The following MYO1D variants were observed in gnomAD, a reference collection of about 807,000 sequenced individuals.
MYO1D encodes the protein myosin ID, also known as unconventional myosin-Id.
Under a neutral mutation model 122.0 loss-of-function variants are expected in MYO1D, and 83 were observed. The ratio of observed to expected loss-of-function variants is 0.68; its 90% confidence interval spans 0.57 to 0.82. MYO1D has a LOEUF of 0.82. MYO1D is among the 40% of genes least tolerant of loss of function. The pLI, the probability that MYO1D is intolerant of heterozygous loss-of-function variation, is 0.00. For synonymous variants in MYO1D, 464 were observed against 446.9 expected (o/e 1.04, Z -0.48); for missense variants, 1,157 against 1,269.5 (o/e 0.91, Z 1.35).
intron 2 of MYO1D, 71 bp from the exon 3 acceptor site, chr17:32,778,644 A>G (rs1368871742): frequency 7.4e-7 from 1 of 1,344,518 alleles, no homozygotes; most frequent in Non-Finnish European, 1.0e-6. Context: ...TTAATAGAAT[A>G]ATTTAAAAAT....
At chr17:32,627,921 T>C (rs1305746844) in intron 20 of MYO1D, 1 of 152,204 alleles carries the variant, frequency 6.6e-6, no homozygotes, top group Non-Finnish European at 1.5e-5. Flanking sequence ...GGAGGACTAA[T>C]GTCCACATGA....
intron 21 of MYO1D, among the ~76,000 whole-genome samples, chr17:32,583,851 C>T (rs946722688): frequency 2.0e-5 from 3 of 151,846 alleles, no homozygotes; most frequent in African/African-American, 4.8e-5. Context: ...GTGATCTGCC[C>T]GCCCCAACCT....
rs143540371 is a variant in MYO1D, at chr17:32,829,613, G to A, written c.95+47165C>T. Among the ~76,000 whole-genome samples, 62 of 152,208 alleles carry A rather than the reference G, an allele frequency of 4.1e-4. 2 individuals carry two copies. The highest frequency in any genetic ancestry group is 1.4e-3 in the African/African-American group (59 of 41,548). On this transcript the variant is annotated intron_variant, in intron 1 of 21. Coordinates refer to ENST00000318217, the MANE Select transcript of MYO1D (RefSeq NM_015194.3). ...GGACTACAGAAGTGTGCCACCAAGC[G>A]CAGCTAATTTTTTTATATTTCAGTA... is the stretch of plus-strand genomic sequence containing the variant.
intron 14 of MYO1D, among the ~76,000 whole-genome samples, chr17:32,729,697 C>CTAG (rs2089614936): frequency 6.6e-6 from 1 of 152,134 alleles, no homozygotes; most frequent in Admixed American, 6.6e-5. Context: ...AAAAGACAGT[C>CTAG]ATAAGGCTGA....
chr17:32,623,661 ACT>A (rs1311671485), intron 20 of MYO1D, among the ~76,000 whole-genome samples: 1 of 152,094 alleles, frequency 6.6e-6, no homozygotes, highest in Non-Finnish European at 1.5e-5. Context: ...GAAAACACAC[ACT>A]CTCTCCAACT....
chr17:32,724,808 C>G lies in MYO1D; in HGVS notation c.1747-3619G>C, dbSNP rs560909683. Among the ~76,000 whole-genome samples, 86 of 152,252 alleles carry G rather than the reference C, an allele frequency of 5.6e-4. 1 individual carries two copies. Among genetic ancestry groups the G allele is most frequent in the African/African-American group, 2.0e-3 (82 of 41,528 alleles). ...ACCTAAGTCCTTGAAATTGGAATAGCTGATTTGGAATACTATTGTTCTTAG... is the reference window on the plus strand; with the variant it reads ...ACCTAAGTCCTTGAAATTGGAATAGGTGATTTGGAATACTATTGTTCTTAG... On this transcript the variant is annotated intron_variant, in intron 14 of 21. Coordinates refer to ENST00000318217, the MANE Select transcript of MYO1D (RefSeq NM_015194.3).
At position 32,760,600 on chromosome 17, in the gene MYO1D, T is replaced by C; in HGVS notation, c.1063A>G (p.Ile355Val). The C allele has an allele frequency of 6.2e-7, 1 of 1,609,774 alleles. No homozygotes were observed. Among genetic ancestry groups the C allele is most frequent in the Non-Finnish European group, 8.5e-7 (1 of 1,178,626 alleles). Reference protein sequence around the residue: ...KAIYERLFCWIVTRINDIIEV... With the variant: ...KAIYERLFCWVVTRINDIIEV... ...ATAATATCATTGATGCGAGTAACGA[T>C]CCAACAAAAAAGGCGCTCATATATT... The change falls in exon 9 of 22, where the codon ATC becomes GTC. Residue 355 changes from isoleucine (I) to valine (V), a missense_variant. Physicochemically the swap from Ile to Val is conservative, Grantham distance 29. Transcript: ENST00000318217.
At chr17:32,506,424 C>T (rs1218718863) in intron 21 of MYO1D, among the ~76,000 whole-genome samples, 2 of 152,036 alleles carry the variant, frequency 1.3e-5, no homozygotes, top group Non-Finnish European at 2.9e-5. Flanking sequence ...AGGCTCCCTT[C>T]AGGCAAGCAC....
intron 1 of MYO1D, among the ~76,000 whole-genome samples, chr17:32,860,354 T>C (rs1458401316): frequency 6.6e-6 from 1 of 152,136 alleles, no homozygotes; most frequent in Non-Finnish European, 1.5e-5. Context: ...TTCTGACTGA[T>C]ATAGAGTGAA....
chr17:32,578,199 T>C (rs189694353), intron 21 of MYO1D, among the ~76,000 whole-genome samples: 19 of 152,362 alleles, frequency 1.2e-4, no homozygotes, highest in African/African-American at 4.3e-4. Context: ...AATATTTCCC[T>C]TTGTTAATGG....
At chr17:32,578,185 TA>T (rs927296279) in intron 21 of MYO1D, among the ~76,000 whole-genome samples, 1 of 152,242 alleles carries the variant, frequency 6.6e-6, no homozygotes, top group Non-Finnish European at 1.5e-5. Context: ...AGTTATGTGG[TA>T]AAAATATTTC....
At chr17:32,508,094 A>G (rs1909561215) in intron 21 of MYO1D, among the ~76,000 whole-genome samples, 1 of 151,906 alleles carries the variant, frequency 6.6e-6, no homozygotes, top group Admixed American at 6.6e-5. Flanking sequence ...ACGGGGTGTC[A>G]TCATGTTGGC....
At chr17:32,641,717 C>A (rs1329185524) in intron 19 of MYO1D, among the ~76,000 whole-genome samples, 1 of 152,200 alleles carries the variant, frequency 6.6e-6, no homozygotes, top group Non-Finnish European at 1.5e-5. Context: ...TGTGTGTTGG[C>A]TGCATAAATG....
At chr17:32,702,445 A>G (rs556522015) in intron 16 of MYO1D, among the ~76,000 whole-genome samples, 6 of 152,248 alleles carry the variant, frequency 3.9e-5, no homozygotes, top group East Asian at 1.9e-4. Flanking sequence ...ATTTTAGCCT[A>G]TATCTTGAAT....
chr17:32,705,329 A>G (rs1342801116), intron 16 of MYO1D, among the ~76,000 whole-genome samples: 4 of 152,006 alleles, frequency 2.6e-5, no homozygotes, highest in Non-Finnish European at 5.9e-5. Context: ...GCACGATCTC[A>G]GCTCACTGCA....
intron 20 of MYO1D, among the ~76,000 whole-genome samples, chr17:32,628,798 A>T (rs1422639206): frequency 2.0e-5 from 3 of 152,226 alleles, no homozygotes; most frequent in Non-Finnish European, 4.4e-5. Context: ...GGAAATGGAA[A>T]ATGATACAGC....
intron 1 of MYO1D, among the ~76,000 whole-genome samples, chr17:32,864,169 G>T (rs559379618): frequency 2.4e-4 from 37 of 151,520 alleles, no homozygotes; most frequent in African/African-American, 8.7e-4. Context: ...CACTATGCAG[G>T]AGCAGAGCTG....
chr17:32,767,926 C>T (rs2090075255), intron 6 of MYO1D, among the ~76,000 whole-genome samples, 174 bp from the exon 7 acceptor site: 1 of 152,216 alleles, frequency 6.6e-6, no homozygotes. Context: ...TTATTCAGCA[C>T]GTACAAAGCC....
At chr17:32,760,753 AGAAC>A (rs1271009833) in intron 8 of MYO1D, 126 bp from the exon 9 acceptor site, 1 of 977,358 alleles carries the variant, frequency 1.0e-6, no homozygotes, top group Non-Finnish European at 1.5e-6. Context: ...TGGCCTCAGC[AGAAC>A]AAATGAAAAT....
Sources: gnomAD v4.1 joint callset for allele counts (sites outside exome capture counted in the v4.1 genomes callset) on GRCh38, gnomAD v4.1.1 for gene constraint, MANE v1.5 for transcripts, NCBI Gene and HGNC (gene_info 2026-07-23, HGNC 2026-07-21) for gene names.